Variants in GID8 observed in about 807,000 individuals in gnomAD.
GID8 encodes the protein GID complex subunit 8 homolog, also known as glucose-induced degradation protein 8 homolog.
A neutral mutation model predicts 27.4 loss-of-function variants in GID8; 6 were observed. The observed-to-expected ratio is 0.22, with a 90% CI of 0.12 to 0.43. GID8 has a LOEUF of 0.43. GID8 is among the 20% of genes least tolerant of loss of function. The pLI is 1.00. For missense variants in GID8, 173 were observed against 287.6 expected (o/e 0.60, Z 2.88); for synonymous variants, 112 against 109.0 (o/e 1.03, Z -0.17).
intron 2 of GID8, 64 bp downstream of exon 2, chr20:62,941,684 AGT>A: frequency 1.1e-6 from 1 of 900,908 alleles, no homozygotes; most frequent in Admixed American, 1.7e-5. Flanking sequence ...ACACATAAGG[AGT>A]GCTGTAGCAC....
rs200239155 is a variant in GID8, at chr20:62,943,147, C to G, written c.279C>G (p.Leu93=). The change falls in exon 3 of 5, where the codon CTC becomes CTG. Residue 93 remains leucine (L), a synonymous_variant. Transcript: ENST00000266069. This position sits in a 1 kb window ranked among gnomAD's most constrained non-coding sequence, Gnocchi z 4.7. ...TGATCAACAGCCTCCACCCAGAGCT[C>G]TTGGACACAAACCGGTATCTTTACT... The part of the protein sequence containing the change: ...IALINSLHPE[L]LDTNRYLYFH... The G allele has an allele frequency of 5.7e-5, 92 of 1,613,996 alleles. No individual in the cohort carries two copies. The East Asian group carries it at 1.9e-3, about 34-fold the overall frequency.
rs920298211 is a variant in GID8, at chr20:62,947,459, A to T, written c.*2547A>T. The stretch of plus-strand genomic sequence containing the variant: ...GGATCTCACTGTTGTCTTTATAAAA[A>T]TGGCACATTTTACAAAGTAGTTTAT... On this transcript the variant is annotated 3_prime_UTR_variant, in exon 5 of 5. Coordinates refer to ENST00000266069, the MANE Select transcript of GID8 (RefSeq NM_017896.3). 2.0e-5 allele frequency: 3 copies of T among 152,598 alleles called. No individual in the cohort carries two copies. The highest frequency in any genetic ancestry group is 2.4e-5 in the African/African-American group (1 of 41,454). 9.5% of individuals were successfully genotyped at this position (152,598 alleles called of 1,614,324 possible).
chr20:62,944,912 G>A lies in GID8; in HGVS notation c.687G>A (p.Ter229=), dbSNP rs2065459161. ...AGGGTGTGATTGAGGAGCCCAAGTAGCGCCTGCGCTTGCGTGGTGGATCCA... is the reference window on the plus strand; with the variant it reads ...AGGGTGTGATTGAGGAGCCCAAGTAACGCCTGCGCTTGCGTGGTGGATCCA... The part of the protein sequence containing the change: ...LSKGVIEEPK[*] The change falls in exon 5 of 5, where the codon TAG becomes TAA. Residue 229 remains the stop codon, a stop_retained_variant. Coordinates refer to ENST00000266069, the MANE Select transcript of GID8 (RefSeq NM_017896.3). 1 of 1,610,144 alleles carries A rather than the reference G, an allele frequency of 6.2e-7. No homozygotes were observed. Among genetic ancestry groups the A allele is most frequent in the Non-Finnish European group, 8.5e-7 (1 of 1,177,894 alleles).
At chr20:62,939,117 C>T (rs1476651622) in intron 1 of GID8, among the ~76,000 whole-genome samples, 1 of 144,490 alleles carries the variant, frequency 6.9e-6, no homozygotes, top group Non-Finnish European at 1.5e-5. Context: ...GGCTCTGTCT[C>T]AAAAAAAAAA....
chr20:62,941,281 C>T (rs1177155473), intron 1 of GID8, among the ~76,000 whole-genome samples: 1 of 152,192 alleles, frequency 6.6e-6, no homozygotes, highest in African/African-American at 2.4e-5. Context: ...TAGCACAGTC[C>T]GTTCTCCTGA....
rs1200556935 is a variant in GID8, at chr20:62,947,707, C to G, written c.*2795C>G. 2 of 152,226 alleles carry G rather than the reference C, an allele frequency of 1.3e-5. No homozygotes were observed. The highest frequency in any genetic ancestry group is 2.9e-5 in the Non-Finnish European group (2 of 68,044). 9.4% of individuals were successfully genotyped at this position (152,226 alleles called of 1,614,324 possible). ...CAGACACTGGTTGGGACCAAAGTCT[C>G]CATGGCACATGACTGAAGACTGGTG... On this transcript the variant is annotated 3_prime_UTR_variant, in exon 5 of 5. Coordinates refer to ENST00000266069, the MANE Select transcript of GID8 (RefSeq NM_017896.3).
Position 62,943,429 on chromosome 20 carries a change from G to T in GID8, c.316-66G>T. 2.8e-6 allele frequency: 4 copies of T among 1,415,696 alleles called. No homozygotes were observed. In the South Asian group the frequency reaches 3.5e-5, roughly 12 times the overall value. The allele number at this position is 1,415,696 out of a possible 1,614,324, so 87.7% of individuals were successfully genotyped here. A position where few individuals can be genotyped will look rare whatever the true frequency, so the allele number is the denominator to read the frequency against. The stretch of plus-strand genomic sequence containing the variant: ...GTGATGTACTTTTGATTGGGACCTG[G>T]TACCACCTGCCCTAAGTCCCTGGCC... On this transcript the variant is annotated intron_variant, in intron 3 of 4. Coordinates refer to ENST00000266069, the MANE Select transcript of GID8 (RefSeq NM_017896.3). This position sits in a 1 kb window ranked among gnomAD's most constrained non-coding sequence, Gnocchi z 4.7.
At position 62,946,939 on chromosome 20, in the gene GID8, ATTC is replaced by A. The variant is rs2065469104; in HGVS notation, c.*2030_*2032del. The A allele has an allele frequency of 6.6e-6, 1 of 152,228 alleles. No individual in the cohort carries two copies. Among genetic ancestry groups the A allele is most frequent in the Admixed American group, 6.5e-5 (1 of 15,284 alleles). The allele number at this position is 152,228 out of a possible 1,614,324, so 9.4% of individuals were successfully genotyped here. On this transcript the variant is annotated 3_prime_UTR_variant, in exon 5 of 5. Coordinates refer to ENST00000266069, the MANE Select transcript of GID8 (RefSeq NM_017896.3). ...GCATAATATATCATCAATTTGACAT[ATTC>A]TTAAAACTAGAGGGTGTGAGAAGCA...
At chr20:62,939,259 AC>A (rs2065426114) in intron 1 of GID8, among the ~76,000 whole-genome samples, 1 of 151,966 alleles carries the variant, frequency 6.6e-6, no homozygotes, top group African/African-American at 2.4e-5. Context: ...CCTCCACTTT[AC>A]CTGCCGCTCC....
At chr20:62,941,064 C>T (rs760666374) in intron 1 of GID8, among the ~76,000 whole-genome samples, 3 of 152,258 alleles carry the variant, frequency 2.0e-5, no homozygotes, top group Non-Finnish European at 2.9e-5. Flanking sequence ...GCGCCACAGT[C>T]CCTTGGTCCA....
Position 62,943,836 on chromosome 20 carries a change from C to CTTTT in GID8, c.513+157_513+160dup, listed in dbSNP as rs11300197. The CTTTT allele has an allele frequency of 7.8e-6, 4 of 510,852 alleles. No homozygotes were observed. Among genetic ancestry groups the CTTTT allele is most frequent in the Admixed American group, 3.4e-5 (1 of 29,386 alleles). The allele number at this position is 510,852 out of a possible 1,614,324, so 31.6% of individuals were successfully genotyped here. A position where few individuals can be genotyped will look rare whatever the true frequency, so the allele number is the denominator to read the frequency against. On this transcript the variant is annotated intron_variant, in intron 4 of 4. Coordinates refer to ENST00000266069, the MANE Select transcript of GID8 (RefSeq NM_017896.3). This position sits in a 1 kb window ranked among gnomAD's most constrained non-coding sequence, Gnocchi z 4.7. ...GGGATGCTAAGTGGTTCCTTCATGG[C>CTTTT]TTTTTTTTTTTTTTTTGGAGGTGAA...
Position 62,946,205 on chromosome 20 carries a change from G to C in GID8, c.*1293G>C. 1 of 353,086 alleles carries C rather than the reference G, an allele frequency of 2.8e-6. No homozygotes were observed. The highest frequency in any genetic ancestry group is 5.4e-6 in the Non-Finnish European group (1 of 183,862). The allele number at this position is 353,086 out of a possible 1,614,324, so 21.9% of individuals were successfully genotyped here. ...TTTGGAGCCAGTGGAGCCTGCCGGC[G>C]CATCTGAGGGGCAGAATGCTGCTAG... is the stretch of plus-strand genomic sequence containing the variant. On this transcript the variant is annotated 3_prime_UTR_variant, in exon 5 of 5. Transcript: ENST00000266069.
Position 62,941,536 on chromosome 20 carries a change from A to G in GID8, c.34A>G (p.Lys12Glu). 6.2e-7 allele frequency: 1 copy of G among 1,612,984 alleles called. No homozygotes were observed. Among genetic ancestry groups the G allele is most frequent in the Non-Finnish European group, 8.5e-7 (1 of 1,178,926 alleles). ...TGCAGAAAAACCCGATGAAATCACG[A>G]AAGATGAGTGGATGGAAAAGCTCAA... The part of the protein sequence containing the change: ...SYAEKPDEIT[K>E]DEWMEKLNNL... Residue 12 changes from lysine to glutamate, a missense_variant, in exon 2 of 5, where the codon AAA becomes GAA. Physicochemically the swap from Lys to Glu is moderately conservative, Grantham distance 56. Transcript: ENST00000266069.
chr20:62,942,740 C>A (rs1200996078), intron 2 of GID8, among the ~76,000 whole-genome samples: 1 of 152,192 alleles, frequency 6.6e-6, no homozygotes, highest in African/African-American at 2.4e-5. Context: ...GCCATTCTGA[C>A]CTCTTTGGCT....
chr20:62,939,421 G>GCCCCCCC (rs367965638), intron 1 of GID8, among the ~76,000 whole-genome samples: 1 of 142,686 alleles, frequency 7.0e-6, no homozygotes, highest in Non-Finnish European at 1.5e-5. Context: ...CCCCAGCACC[G>GCCCCCCC]CCCCCCCCGC....
At position 62,941,619 on chromosome 20, in the gene GID8, AG is replaced by A. The variant is rs768220334; in HGVS notation, c.118+1del. On this transcript the variant is annotated frameshift_variant and splice_region_variant, in exon 2 of 5. Transcript: ENST00000266069. LOFTEE classifies it high-confidence loss of function. ...NRLIMNYLVTEGFKEAAEKFR... is the reference protein window; with the variant it reads ...NRLIMNYLVTXGFKEAAEKFR... ...GCCTCATCATGAACTACCTGGTCAC[AG>A]GTAATGGCTTACAGTGAGGATGCTG... 1 of 1,508,596 alleles carries A rather than the reference AG, an allele frequency of 6.6e-7. No homozygotes were observed. Among genetic ancestry groups the A allele is most frequent in the South Asian group, 1.1e-5 (1 of 89,044 alleles). The allele number at this position is 1,508,596 out of a possible 1,614,324, so 93.5% of individuals were successfully genotyped here. A position where few individuals can be genotyped will look rare whatever the true frequency, so the allele number is the denominator to read the frequency against.
Position 62,943,589 on chromosome 20 carries a change from G to A in GID8, c.410G>A (p.Arg137Gln), listed in dbSNP as rs749698400. The A allele has an allele frequency of 6.8e-6, 11 of 1,613,580 alleles. No individual in the cohort carries two copies. Among genetic ancestry groups the A allele is most frequent in the Middle Eastern group, 1.7e-4 (1 of 6,012 alleles). The change falls in exon 4 of 5, where the codon CGA (arginine) becomes CAA (glutamine). Residue 137 changes from arginine (R) to glutamine (Q), a missense_variant. By Grantham distance (43) the Arg-to-Gln change is conservative. Transcript: ENST00000266069. This position sits in a 1 kb window ranked among gnomAD's most constrained non-coding sequence, Gnocchi z 4.7. ...TQLAEQGEESRECLTEMERTL... is the reference protein window; with the variant it reads ...TQLAEQGEESQECLTEMERTL... Reference sequence around the variant, plus strand: ...CTGGCGGAGCAGGGCGAGGAGAGCCGAGAGTGCCTCACAGAGATGGAGCGT... The same window carrying A: ...CTGGCGGAGCAGGGCGAGGAGAGCCAAGAGTGCCTCACAGAGATGGAGCGT...
intron 1 of GID8, 54 bp downstream of exon 1, chr20:62,938,307 G>C (rs2065415470): frequency 6.6e-6 from 1 of 150,652 alleles, no homozygotes; most frequent in African/African-American, 2.4e-5. Flanking sequence ...CCCGGGGCCG[G>C]GCCGGGCGGG....
Position 62,945,329 on chromosome 20 carries a change from G to A in GID8, c.*417G>A. 1 of 992,292 alleles carries A rather than the reference G, an allele frequency of 1.0e-6. No individual in the cohort carries two copies. Among genetic ancestry groups the A allele is most frequent in the Non-Finnish European group, 1.2e-6 (1 of 834,124 alleles). The allele number at this position is 992,292 out of a possible 1,614,324, so 61.5% of individuals were successfully genotyped here. A position where few individuals can be genotyped will look rare whatever the true frequency, so the allele number is the denominator to read the frequency against. ...GCAGACATTGGGCCTTCACCTACAA[G>A]TTTTTCCTTACCCCTGTGGTTTTTG... On this transcript the variant is annotated 3_prime_UTR_variant, in exon 5 of 5. Transcript: ENST00000266069.
Sources: gnomAD v4.1 joint callset for allele counts (sites outside exome capture counted in the v4.1 genomes callset) on GRCh38, gnomAD v4.1.1 for gene constraint, Gnocchi (gnomAD v3.1) non-coding constraint, MANE v1.5 for transcripts, NCBI Gene and HGNC (gene_info 2026-07-23, HGNC 2026-07-21) for gene names.